The following EIF4G3 variants were observed in gnomAD, a reference collection of about 807,000 sequenced individuals.
EIF4G3 encodes eukaryotic translation initiation factor 4 gamma 3.
A neutral mutation model predicts 186.4 loss-of-function variants in EIF4G3; 34 were observed. The observed-to-expected ratio is 0.18, with a 90% confidence interval of 0.14 to 0.24. The LOEUF (loss-of-function observed/expected upper bound fraction) is 0.24. Among genes scored for constraint, EIF4G3 ranks in the 10% least tolerant of loss-of-function variants. The pLI is 1.00. For synonymous variants in EIF4G3, 673 were observed against 679.5 expected, an observed-to-expected ratio of 0.99 and a Z score of 0.15; for missense variants, 1,536 against 1,948.5, an observed-to-expected ratio of 0.79 and a Z score of 3.99.
At chr1:21,174,832 G>A (rs990181017) in intron 2 of EIF4G3, 4 of 152,158 alleles carry the variant, frequency 2.6e-5, no homozygotes, top group Non-Finnish European at 5.9e-5. Context: ...ACACTGGAAT[G>A]GAATTTATCT....
intron 10 of EIF4G3, among the ~76,000 whole-genome samples, chr1:20,978,287 T>G (rs990897135): frequency 1.1e-4 from 17 of 151,388 alleles, no homozygotes; most frequent in Admixed American, 1.1e-3. Flanking sequence ...AATTGGGTGA[T>G]ATATATATAT....
At chr1:20,845,663 AG>A (rs1423485573) in intron 29 of EIF4G3, among the ~76,000 whole-genome samples, 1 of 152,066 alleles carries the variant, frequency 6.6e-6, no homozygotes, top group Non-Finnish European at 1.5e-5. Flanking sequence ...CTCCATCTCA[AG>A]AAAAAAAATA....
At chr1:21,008,543 T>C (rs1324314761) in intron 4 of EIF4G3, among the ~76,000 whole-genome samples, 3 of 152,180 alleles carry the variant, frequency 2.0e-5, no homozygotes, top group Admixed American at 2.0e-4. Context: ...TTCATCATGT[T>C]GGTCAGGCTG....
intron 14 of EIF4G3, among the ~76,000 whole-genome samples, chr1:20,928,697 C>T (rs1002922827): frequency 6.6e-6 from 1 of 152,120 alleles, no homozygotes; most frequent in African/African-American, 2.4e-5. Flanking sequence ...CCACGCCAGG[C>T]CCCTCTTTTT....
At chr1:21,007,480 T>G (rs1408774387) in intron 4 of EIF4G3, among the ~76,000 whole-genome samples, 1 of 120,406 alleles carries the variant, frequency 8.3e-6, no homozygotes, top group African/African-American at 3.1e-5. Context: ...TTCAGGGAGC[T>G]CACTATGTGA....
At chr1:20,847,043 T>TA (rs1304646669) in intron 29 of EIF4G3, among the ~76,000 whole-genome samples, 3 of 152,186 alleles carry the variant, frequency 2.0e-5, no homozygotes, top group Non-Finnish European at 4.4e-5. Context: ...ACCCCAAAGG[T>TA]AATGAGATAA....
intron 9 of EIF4G3, 95 bp from the exon 10 acceptor site, chr1:20,980,543 T>A: frequency 1.2e-6 from 1 of 832,896 alleles, no homozygotes. Context: ...CTACAGAAAG[T>A]AAAGTTCTCT....
chr1:20,969,654 A>G, intron 11 of EIF4G3, 58 bp from the exon 12 acceptor site: 3 of 1,557,440 alleles, frequency 1.9e-6, no homozygotes, highest in Non-Finnish European at 2.6e-6. Context: ...GCAAATTTAT[A>G]GGCATATAAG....
At chr1:21,019,991 T>G (rs1422819974) in intron 4 of EIF4G3, among the ~76,000 whole-genome samples, 2 of 152,172 alleles carry the variant, frequency 1.3e-5, no homozygotes, top group Non-Finnish European at 2.9e-5. Context: ...AAACATTGGC[T>G]CTTCATGTCA....
rs182350798 is a variant in EIF4G3 at position 20,983,866 on chromosome 1, T to C, written c.178-1458A>G. On this transcript the variant is annotated intron_variant, in intron 7 of 36. Coordinates refer to ENST00000602326, the MANE Select transcript of EIF4G3 (RefSeq NM_001391906.1). ...GTAAGGAGAGGAGAAAGAAAATGAA[T>C]CCATTAACTTATGCAGAGTAAGAAA... 3.0e-3 allele frequency among the ~76,000 whole-genome samples: 456 copies of C among 152,198 alleles called. 4 individuals carry two copies. The highest frequency in any genetic ancestry group is 3.8e-3 in the Non-Finnish European group (257 of 67,992).
At chr1:20,831,715 G>C (rs1250322732) in intron 30 of EIF4G3, among the ~76,000 whole-genome samples, 6 of 148,576 alleles carry the variant, frequency 4.0e-5, no homozygotes, top group Non-Finnish European at 8.9e-5. Flanking sequence ...CCACTAACTC[G>C]TCATCTAGCA....
chr1:21,069,030 T>C (rs1230286900), intron 3 of EIF4G3, among the ~76,000 whole-genome samples: 2 of 152,236 alleles, frequency 1.3e-5, no homozygotes, highest in Non-Finnish European at 2.9e-5. Flanking sequence ...TATAAACTGT[T>C]CTGTTGAGTT....
At chr1:21,042,743 C>T (rs11802665) in intron 4 of EIF4G3, among the ~76,000 whole-genome samples, 4,984 of 152,274 alleles carry the variant, frequency 0.033, 272 homozygotes, top group African/African-American at 0.11. Context: ...CCTCAGAGTT[C>T]TGTCTGCTCA....
chr1:20,936,912 A>G (rs1404802599), intron 14 of EIF4G3, among the ~76,000 whole-genome samples: 1 of 152,200 alleles, frequency 6.6e-6, no homozygotes. Context: ...TTCCTATGTT[A>G]TATTCTACAG....
chr1:21,122,566 A>G (rs2096944982), intron 2 of EIF4G3, among the ~76,000 whole-genome samples: 1 of 152,196 alleles, frequency 6.6e-6, no homozygotes, highest in Non-Finnish European at 1.5e-5. Context: ...CTTATTTAAT[A>G]TGCTTTCACA....
intron 20 of EIF4G3, among the ~76,000 whole-genome samples, chr1:20,878,072 G>A (rs2081353981): frequency 6.6e-6 from 1 of 152,094 alleles, no homozygotes; most frequent in Non-Finnish European, 1.5e-5. Flanking sequence ...TCCCCATGTT[G>A]CCCAGGCTGG....
chr1:20,937,352 C>A (rs368635363), intron 14 of EIF4G3, among the ~76,000 whole-genome samples: 1 of 152,126 alleles, frequency 6.6e-6, no homozygotes, highest in East Asian at 1.9e-4. Context: ...GGACATTAAA[C>A]CCAGATTTAG....
intron 12 of EIF4G3, among the ~76,000 whole-genome samples, chr1:20,966,750 A>G (rs1167614349): frequency 2.6e-5 from 4 of 152,152 alleles, no homozygotes; most frequent in Admixed American, 2.6e-4. Context: ...CTAGGATTAC[A>G]GGTGTGAGCC....
chr1:21,124,313 G>A (rs2096985854), intron 2 of EIF4G3, among the ~76,000 whole-genome samples: 1 of 151,808 alleles, frequency 6.6e-6, no homozygotes, highest in African/African-American at 2.4e-5. Context: ...TCAAGGTGTA[G>A]TACAAAGCTT....
Sources: allele counts gnomAD v4.1 joint callset (sites outside exome capture counted in the v4.1 genomes callset), GRCh38; gene constraint gnomAD v4.1.1; transcripts MANE v1.5; gene names NCBI Gene and HGNC (gene_info 2026-07-23, HGNC 2026-07-21).